GRIK4: variants seen among roughly 807,000 people sequenced by gnomAD.
GRIK4 encodes the protein glutamate ionotropic receptor kainate type subunit 4, also known as glutamate receptor ionotropic, kainate 4.
A neutral mutation model predicts 104.9 loss-of-function variants in GRIK4; 40 were observed. The observed-to-expected ratio is 0.38, with a 90% CI of 0.30 to 0.50. The LOEUF (loss-of-function observed/expected upper bound fraction) is 0.50. GRIK4 is among the 20% of genes least tolerant of loss of function. GRIK4 has a pLI of 0.93. For missense variants in GRIK4, 1,047 were observed against 1,308.1 expected, an observed-to-expected ratio of 0.80 and a Z score of 3.08; for synonymous variants, 485 against 524.9, an observed-to-expected ratio of 0.92 and a Z score of 1.04.
chr11:120,574,713 A>G (rs4447186), intron 1 of GRIK4, among the ~76,000 whole-genome samples: 27,199 of 152,114 alleles, frequency 0.18, 6,237 homozygotes, highest in African/African-American at 0.53. Context: ...ATGTGTTTGA[A>G]TGAAGGAATG....
At chr11:120,629,512 G>A (rs1015115684) in intron 1 of GRIK4, among the ~76,000 whole-genome samples, 18 of 151,938 alleles carry the variant, frequency 1.2e-4, no homozygotes, top group Non-Finnish European at 1.9e-4. Flanking sequence ...CCTGCCCTCC[G>A]TGCCTTGACC....
intron 20 of GRIK4, among the ~76,000 whole-genome samples, chr11:120,983,188 G>A (rs961940793): frequency 6.6e-6 from 1 of 152,036 alleles, no homozygotes; most frequent in Non-Finnish European, 1.5e-5. Context: ...ATCCTCTTTT[G>A]CCCCTGTATT....
intron 11 of GRIK4, among the ~76,000 whole-genome samples, chr11:120,879,466 G>A (rs892925066): frequency 2.6e-5 from 4 of 152,222 alleles, no homozygotes; most frequent in African/African-American, 9.6e-5. Flanking sequence ...TTGGTAAAAC[G>A]TCTGAACCAA....
chr11:120,636,027 C>T (rs576587800), intron 1 of GRIK4, among the ~76,000 whole-genome samples: 7 of 152,306 alleles, frequency 4.6e-5, no homozygotes, highest in African/African-American at 1.7e-4. Flanking sequence ...TTCTTCAATG[C>T]GTCTACCCTT....
At chr11:120,900,388 CATTT>C (rs893622884) in intron 12 of GRIK4, among the ~76,000 whole-genome samples, 2 of 152,138 alleles carry the variant, frequency 1.3e-5, no homozygotes, top group African/African-American at 4.8e-5. Context: ...TTCATTCATT[CATTT>C]ATTTATGTGA....
intron 18 of GRIK4, among the ~76,000 whole-genome samples, chr11:120,965,887 C>T (rs1000415881): frequency 6.6e-6 from 1 of 152,220 alleles, no homozygotes; most frequent in Non-Finnish European, 1.5e-5. Flanking sequence ...CAAGCTTCTG[C>T]CTGATCCTTC....
chr11:120,952,919 T>C lies in GRIK4; in HGVS notation c.1655T>C (p.Leu552Pro). The C allele has an allele frequency of 2.5e-6, 4 of 1,614,036 alleles. No homozygotes were observed. The highest frequency in any genetic ancestry group is 3.4e-6 in the Non-Finnish European group (4 of 1,179,966). ...TCTCCGGGCGTCTGGCTCTTCATGC[T>C]TCTAGCCTATCTGGCCGTCAGCTGT... ...PFSPGVWLFMLLAYLAVSCVL... is the reference protein window; with the variant it reads ...PFSPGVWLFMPLAYLAVSCVL... The change falls in exon 15 of 21, where the codon CTT becomes CCT. Residue 552 changes from leucine to proline, a missense_variant. By Grantham distance (98) the Leu-to-Pro change is moderately conservative (BLOSUM62 -3). Around this residue, in one of 3 missense-constraint regions of GRIK4, gnomAD observed 440 missense variants for 652.3 expected, o/e 0.67. Transcript: ENST00000527524. This position sits in a 1 kb window ranked among gnomAD's most constrained non-coding sequence, Gnocchi z 5.2.
At chr11:120,955,027 G>T (rs573713969) in intron 15 of GRIK4, among the ~76,000 whole-genome samples, 1 of 152,054 alleles carries the variant, frequency 6.6e-6, no homozygotes, top group Non-Finnish European at 1.5e-5. Context: ...ATTGTACTTC[G>T]GGTAAGATTT....
chr11:120,554,716 G>A (rs186857975), intron 1 of GRIK4, among the ~76,000 whole-genome samples: 1 of 152,162 alleles, frequency 6.6e-6, no homozygotes, highest in African/African-American at 2.4e-5. Context: ...CCGCCACCAT[G>A]CCTGGCTGAT....
chr11:120,645,854 C>G (rs376220554), intron 1 of GRIK4, among the ~76,000 whole-genome samples: 14 of 152,180 alleles, frequency 9.2e-5, no homozygotes, highest in African/African-American at 2.9e-4. Flanking sequence ...CCCGCTGTGT[C>G]CCCCTGCACT....
At chr11:120,548,586 T>C (rs1948109202) in intron 1 of GRIK4, among the ~76,000 whole-genome samples, 1 of 151,468 alleles carries the variant, frequency 6.6e-6, no homozygotes, top group Non-Finnish European at 1.5e-5. Flanking sequence ...TTCTAAGCAC[T>C]GGGTTTTAAG....
chr11:120,527,487 G>A (rs900606059), intron 1 of GRIK4, among the ~76,000 whole-genome samples: 5 of 152,218 alleles, frequency 3.3e-5, no homozygotes, highest in African/African-American at 4.8e-5. Context: ...GCAGGGAGCC[G>A]CTGCAAGTTC....
chr11:120,683,453 T>G (rs1950228641), intron 3 of GRIK4, among the ~76,000 whole-genome samples: 1 of 151,984 alleles, frequency 6.6e-6, no homozygotes, highest in African/African-American at 2.4e-5. Flanking sequence ...GAGAAATGAT[T>G]GTAAAACATC....
intron 3 of GRIK4, among the ~76,000 whole-genome samples, chr11:120,754,176 G>T (rs746529891): frequency 1.3e-5 from 2 of 152,084 alleles, no homozygotes; most frequent in Non-Finnish European, 2.9e-5. Context: ...GATTACAGGC[G>T]CCCGCCACCG....
chr11:120,809,790 C>T (rs1036193424), intron 4 of GRIK4, among the ~76,000 whole-genome samples: 6 of 152,132 alleles, frequency 3.9e-5, no homozygotes, highest in Non-Finnish European at 7.4e-5. Context: ...AGGGGCTGGG[C>T]GTGGTGGCTC....
At chr11:120,595,014 C>A (rs1209193226) in intron 1 of GRIK4, among the ~76,000 whole-genome samples, 1 of 152,214 alleles carries the variant, frequency 6.6e-6, no homozygotes, top group Non-Finnish European at 1.5e-5. Context: ...CCTCTAAAGC[C>A]ACAGATGAGT....
intron 6 of GRIK4, among the ~76,000 whole-genome samples, chr11:120,827,144 AAG>A (rs1953288026): frequency 6.6e-6 from 1 of 152,168 alleles, no homozygotes; most frequent in Non-Finnish European, 1.5e-5. Context: ...AGCTTGTTGA[AAG>A]AGGTGTTTAT....
At chr11:120,794,233 T>C (rs12272442) in intron 3 of GRIK4, among the ~76,000 whole-genome samples, 1,455 of 90,684 alleles carry the variant, frequency 0.016, 60 homozygotes, top group African/African-American at 0.067. Flanking sequence ...GTTGTTAGGG[T>C]TGAGAGCCAG....
At chr11:120,878,438 G>C (rs1368622451) in intron 11 of GRIK4, among the ~76,000 whole-genome samples, 1 of 152,154 alleles carries the variant, frequency 6.6e-6, no homozygotes, top group South Asian at 2.1e-4. Flanking sequence ...TCTTCACAGA[G>C]ATTTTTTTCT....
Sources: allele counts gnomAD v4.1 joint callset (sites outside exome capture counted in the v4.1 genomes callset), GRCh38; gene constraint gnomAD v4.1.1; regional missense constraint gnomAD v4.1.1; non-coding constraint Gnocchi (gnomAD v3.1); transcripts MANE v1.5; gene names NCBI Gene and HGNC (gene_info 2026-07-23, HGNC 2026-07-21).